The following LOXL3 variants were observed in gnomAD, a reference collection of about 807,000 sequenced individuals.
LOXL3 encodes the protein lysyl oxidase like 3.
A neutral mutation model predicts 91.8 loss-of-function variants in LOXL3; 60 were observed. That is an observed-to-expected ratio of 0.65 (90% CI 0.53 to 0.81). The LOEUF (loss-of-function observed/expected upper bound fraction) is 0.81. Ranked by LOEUF, LOXL3 falls within the 30% of genes least tolerant of loss-of-function variation. LOXL3 has a pLI of 0.00. For missense variants in LOXL3, 874 were observed against 1,000.4 expected (o/e 0.87, Z 1.70); for synonymous variants, 355 against 387.6 (o/e 0.92, Z 0.99).
chr2:74,536,785 A>C lies in LOXL3; in HGVS notation c.836T>G (p.Val279Gly), dbSNP rs756624083. Reference protein sequence around the residue: ...ARCPGGGPAVVSCVPGPVYAA... With the variant: ...ARCPGGGPAVGSCVPGPVYAA... Reference sequence around the variant, plus strand: ...GTAGACAGGGCCTGGCACACAGCTCACCACTGCAGGGCCCCCCCCAGGGCA... The same window carrying C: ...GTAGACAGGGCCTGGCACACAGCTCCCCACTGCAGGGCCCCCCCCAGGGCA... The change falls in exon 5 of 14, where the codon GTG becomes GGG. Residue 279 changes from valine (V) to glycine (G), a missense_variant. Physicochemically the swap from Val to Gly is moderately radical, Grantham distance 109. Transcript: ENST00000264094. This position sits in a 1 kb window ranked among gnomAD's most constrained non-coding sequence, Gnocchi z 4.5. 3 of 1,614,192 alleles carry C rather than the reference A, an allele frequency of 1.9e-6. No individual in the cohort carries two copies. Among genetic ancestry groups the C allele is most frequent in the Admixed American group, 3.3e-5 (2 of 60,030 alleles).
chr2:74,544,428 C>A (rs1056132037), intron 4 of LOXL3, among the ~76,000 whole-genome samples: 2 of 152,176 alleles, frequency 1.3e-5, no homozygotes, highest in African/African-American at 4.8e-5. Flanking sequence ...AGCCTAATAA[C>A]CTCTCTTGTC....
Position 74,534,684 on chromosome 2 carries a change from TC to T in LOXL3, c.1669del (p.Glu557LysfsTer128). The stretch of plus-strand genomic sequence containing the variant: ...GGCTGAGCTGGCCAGGCAGTTCTCT[TC>T]CGCAGCACAGTACAACATATGCAGG... ...RPLHMLYCAA[E>X]ENCLASSARS... On this transcript the variant is annotated frameshift_variant, in exon 10 of 14. Coordinates refer to ENST00000264094, the MANE Select transcript of LOXL3 (RefSeq NM_032603.5). LOFTEE classifies it high-confidence loss of function. 1 of 1,614,168 alleles carries T rather than the reference TC, an allele frequency of 6.2e-7. No individual in the cohort carries two copies.
chr2:74,549,292 T>C lies in LOXL3; in HGVS notation c.692+77A>G. On this transcript the variant is annotated intron_variant, in intron 4 of 13. Coordinates refer to ENST00000264094, the MANE Select transcript of LOXL3 (RefSeq NM_032603.5). This position sits in a 1 kb window ranked among gnomAD's most constrained non-coding sequence, Gnocchi z 5.3. ...GGGTCCTCCCGTGCCCCGGACCTGCTCAGATGTCTCCCAAGGCTATTCATC... is the reference window on the plus strand; with the variant it reads ...GGGTCCTCCCGTGCCCCGGACCTGCCCAGATGTCTCCCAAGGCTATTCATC... 6.9e-7 allele frequency: 1 copy of C among 1,454,660 alleles called. No homozygotes were observed. The highest frequency in any genetic ancestry group is 2.5e-5 in the East Asian group (1 of 39,796). 90.1% of individuals were successfully genotyped at this position (1,454,660 alleles called of 1,614,324 possible). A position where few individuals can be genotyped will look rare whatever the true frequency, so the allele number is the denominator to read the frequency against.
chr2:74,533,045 G>T lies in LOXL3; in HGVS notation c.*561C>A. The T allele has an allele frequency of 6.4e-7, 1 of 1,554,844 alleles. No homozygotes were observed. The stretch of plus-strand genomic sequence containing the variant: ...TTTCCTCCTTGCCTTTCTGGCTGAG[G>T]TTCTGAGGGCACCGAGACAGAGGGT... On this transcript the variant is annotated 3_prime_UTR_variant, in exon 14 of 14. Coordinates refer to ENST00000264094, the MANE Select transcript of LOXL3 (RefSeq NM_032603.5).
chr2:74,532,800 C>T lies in LOXL3; in HGVS notation c.*806G>A. ...AGGCTTTGTACTCCTTCCTTTCTCT[C>T]TGTCCATTTTTCTCTATAGGGCTGG... On this transcript the variant is annotated 3_prime_UTR_variant, in exon 14 of 14. Coordinates refer to ENST00000264094, the MANE Select transcript of LOXL3 (RefSeq NM_032603.5). 6.2e-7 allele frequency: 1 copy of T among 1,614,150 alleles called. No individual in the cohort carries two copies. The highest frequency in any genetic ancestry group is 8.5e-7 in the Non-Finnish European group (1 of 1,180,014).
At chr2:74,544,268 C>T (rs1296712218) in intron 4 of LOXL3, among the ~76,000 whole-genome samples, 1 of 150,198 alleles carries the variant, frequency 6.7e-6, no homozygotes, top group Non-Finnish European at 1.5e-5. Context: ...TGCCACTGCA[C>T]TCCAGCCTGG....
chr2:74,541,822 GA>G (rs1355510337), intron 4 of LOXL3, among the ~76,000 whole-genome samples: 5 of 150,238 alleles, frequency 3.3e-5, no homozygotes, highest in Admixed American at 6.6e-5. Context: ...TTATATAAAA[GA>G]GTTTAGACCC....
chr2:74,549,681 C>T lies in LOXL3; in HGVS notation c.478-98G>A. The T allele has an allele frequency of 6.8e-7, 1 of 1,463,884 alleles. No homozygotes were observed. The highest frequency in any genetic ancestry group is 9.1e-7 in the Non-Finnish European group (1 of 1,102,232). The allele number at this position is 1,463,884 out of a possible 1,614,324, so 90.7% of individuals were successfully genotyped here. A position where few individuals can be genotyped will look rare whatever the true frequency, so the allele number is the denominator to read the frequency against. ...CCTGCTTGGTGTGCCTGCTGTAAACCCAGTGGCGGGATGGGCCCGAGGCGG... is the reference window on the plus strand; with the variant it reads ...CCTGCTTGGTGTGCCTGCTGTAAACTCAGTGGCGGGATGGGCCCGAGGCGG... On this transcript the variant is annotated intron_variant, in intron 3 of 13. Transcript: ENST00000264094. This position sits in a 1 kb window ranked among gnomAD's most constrained non-coding sequence, Gnocchi z 5.3.
chr2:74,538,095 C>T (rs1676127660), intron 4 of LOXL3, among the ~76,000 whole-genome samples: 4 of 152,136 alleles, frequency 2.6e-5, no homozygotes, highest in Admixed American at 2.6e-4. Flanking sequence ...ATAAATGGAT[C>T]CTGAAGATCT....
intron 4 of LOXL3, among the ~76,000 whole-genome samples, chr2:74,544,132 C>T (rs1294327711): frequency 1.3e-5 from 2 of 151,648 alleles, no homozygotes; most frequent in African/African-American, 2.4e-5. Flanking sequence ...GGTGAAACCT[C>T]GTCTCTACTA....
Position 74,549,609 on chromosome 2 carries a change from A to G in LOXL3, c.478-26T>C, listed in dbSNP as rs770129432. 42 of 1,591,640 alleles carry G rather than the reference A, an allele frequency of 2.6e-5. No homozygotes were observed. Among genetic ancestry groups the G allele is most frequent in the East Asian group, 1.6e-4 (7 of 44,308 alleles). On this transcript the variant is annotated intron_variant, in intron 3 of 13. Transcript: ENST00000264094. This position sits in a 1 kb window ranked among gnomAD's most constrained non-coding sequence, Gnocchi z 5.3. The stretch of plus-strand genomic sequence containing the variant: ...CTGGGGGCGGGGCCACAAGCAGGGA[A>G]AGAATCCCAGTGGCACCTTTCATGT...
chr2:74,535,938 G>T lies in LOXL3; in HGVS notation c.1248+58C>A. ...CTGGGGGCCATTGGACTGTAGATTG[G>T]AGACCAGACCTGGATAGGATGAAAG... On this transcript the variant is annotated intron_variant, in intron 7 of 13. Coordinates refer to ENST00000264094, the MANE Select transcript of LOXL3 (RefSeq NM_032603.5). This position sits in a 1 kb window ranked among gnomAD's most constrained non-coding sequence, Gnocchi z 4.2. 1 of 1,516,982 alleles carries T rather than the reference G, an allele frequency of 6.6e-7. No individual in the cohort carries two copies. Among genetic ancestry groups the T allele is most frequent in the Non-Finnish European group, 8.8e-7 (1 of 1,139,120 alleles). The allele number at this position is 1,516,982 out of a possible 1,614,324, so 94.0% of individuals were successfully genotyped here.
intron 4 of LOXL3, among the ~76,000 whole-genome samples, chr2:74,538,735 G>C (rs1052608434): frequency 1.3e-5 from 2 of 152,196 alleles, no homozygotes; most frequent in Non-Finnish European, 2.9e-5. Context: ...ATCAAATAAA[G>C]CATTTGATTT....
Position 74,553,370 on chromosome 2 carries a change from C to T in LOXL3, c.-13+506G>A, listed in dbSNP as rs540283672. 3.3e-5 allele frequency among the ~76,000 whole-genome samples: 5 copies of T among 152,314 alleles called. No homozygotes were observed. The South Asian group carries it at 1.0e-3, about 32-fold the overall frequency. ...TCCCCAACACGCAGGCTCTCAGATG[C>T]CCTGCAGGGTCAAGAGGCCCAGGAG... On this transcript the variant is annotated intron_variant, in intron 1 of 13. Coordinates refer to ENST00000264094, the MANE Select transcript of LOXL3 (RefSeq NM_032603.5).
Position 74,539,306 on chromosome 2 carries a change from G to A in LOXL3, c.693-2378C>T, listed in dbSNP as rs184359052. ...GGGATGGGAAAAATGAAGATTTTCC[G>A]CATCCACCGTCTGCTGAACACCATT... On this transcript the variant is annotated intron_variant, in intron 4 of 13. Coordinates refer to ENST00000264094, the MANE Select transcript of LOXL3 (RefSeq NM_032603.5). Among the ~76,000 whole-genome samples the A allele has an allele frequency of 9.4e-4, 143 of 152,320 alleles. 1 individual carries two copies. Among genetic ancestry groups the A allele is most frequent in the African/African-American group, 3.3e-3 (139 of 41,562 alleles).
intron 9 of LOXL3, 63 bp from the exon 10 acceptor site, chr2:74,534,837 C>T (rs768526737): frequency 1.7e-5 from 26 of 1,564,022 alleles, no homozygotes; most frequent in Admixed American, 8.6e-5. Flanking sequence ...GGGGTGCTTC[C>T]ATCCCTCCCT....
intron 4 of LOXL3, among the ~76,000 whole-genome samples, chr2:74,541,045 C>T (rs1676298437): frequency 6.6e-6 from 1 of 152,204 alleles, no homozygotes; most frequent in Admixed American, 6.5e-5. Flanking sequence ...AGCTGGCCTT[C>T]CATATCCATG....
chr2:74,555,332 C>T (rs200525020), upstream of LOXL3: 11 of 1,613,806 alleles, frequency 6.8e-6, no homozygotes, highest in African/African-American at 1.3e-5. This position sits in a 1 kb window ranked among gnomAD's most constrained non-coding sequence, Gnocchi z 6.1. Context: ...ACCGTGGAGA[C>T]CCCCCCTGAG....
At position 74,534,403 on chromosome 2, in the gene LOXL3, G is replaced by A. The variant is rs1257522607; in HGVS notation, c.1852C>T (p.His618Tyr). ...GHYHSMDIFT[H>Y]YDILTPNGTK... is the part of the protein sequence containing the mutation. ...CCATTTGGGGTGAGGATATCATAGT[G>A]AGTGAAGATGTCCATGCTGTGGTAA... The change falls in exon 11 of 14, where the codon CAC becomes TAC. Residue 618 changes from histidine to tyrosine, a missense_variant. His to Tyr is a moderately conservative substitution (Grantham distance 83). Transcript: ENST00000264094. The A allele has an allele frequency of 1.9e-6, 3 of 1,614,108 alleles. No homozygotes were observed. The highest frequency in any genetic ancestry group is 1.7e-6 in the Non-Finnish European group (2 of 1,180,032).
Sources: allele counts gnomAD v4.1 joint callset (sites outside exome capture counted in the v4.1 genomes callset), GRCh38; gene constraint gnomAD v4.1.1; non-coding constraint Gnocchi (gnomAD v3.1); transcripts MANE v1.5; gene names NCBI Gene and HGNC (gene_info 2026-07-23, HGNC 2026-07-21).